Variants in TRPM2 observed in about 807,000 individuals in gnomAD.
The protein encoded by TRPM2 is transient receptor potential cation channel subfamily M member 2.
In TRPM2, 161 loss-of-function variants were observed where a neutral mutation model predicts 174.0. That is an observed-to-expected ratio of 0.93 (90% CI 0.81 to 1.05). The LOEUF is 1.05. Ranked by LOEUF, TRPM2 falls within the 50% of genes least tolerant of loss-of-function variation. The probability of loss-of-function intolerance (pLI) is 0.00; values close to 1 mark genes in which losing one functional copy is unlikely to be tolerated. For missense variants in TRPM2, 2,057 were observed against 2,038.0 expected (o/e 1.01, Z -0.18); for synonymous variants, 954 against 861.3 (o/e 1.11, Z -1.88).
intron 27 of TRPM2, among the ~76,000 whole-genome samples, chr21:44,428,563 GCTCCTCC>G (rs1393357018): frequency 1.5e-4 from 22 of 144,410 alleles, no homozygotes; most frequent in African/African-American, 5.3e-4. Context: ...CTTAGGTGTG[GCTCCTCC>G]CTGAGGTGTG....
In TRPM2 at chr21:44,422,507, C is replaced by T; in HGVS notation, c.3462-1138C>T. On this transcript the variant is annotated intron_variant, in intron 22 of 31. Transcript: ENST00000397928. ...GGCCTGGAGCGAAATCACTTTCTTCCCTCTCCCTAGATAACTGTTTAAAGT... is the reference window on the plus strand; with the variant it reads ...GGCCTGGAGCGAAATCACTTTCTTCTCTCTCCCTAGATAACTGTTTAAAGT... The T allele has an allele frequency of 2.7e-6, 4 of 1,470,608 alleles. No individual in the cohort carries two copies. In the South Asian group the frequency reaches 5.2e-5, roughly 19 times the overall value. 91.1% of individuals were successfully genotyped at this position (1,470,608 alleles called of 1,614,324 possible).
chr21:44,425,807 A>G lies in TRPM2; in HGVS notation c.3775A>G (p.Asn1259Asp). 1.9e-6 allele frequency: 3 copies of G among 1,578,056 alleles called. No homozygotes were observed. The highest frequency in any genetic ancestry group is 2.6e-6 in the Non-Finnish European group (3 of 1,153,908). ...CCCTGTCACGCGCTTCCCCGTGCCC[A>G]ACGAGAAGGTGCCCTGGGAGGTGAG... ...NCPVTRFPVPNEKVPWETEFL... is the reference protein window; with the variant it reads ...NCPVTRFPVPDEKVPWETEFL... Residue 1259 changes from asparagine (N) to aspartate (D), a missense_variant, in exon 25 of 32, where the codon AAC (asparagine) becomes GAC (aspartate). Coordinates refer to ENST00000397928, the MANE Select transcript of TRPM2 (RefSeq NM_003307.4).
chr21:44,360,729 G>C (rs372394559), intron 2 of TRPM2, among the ~76,000 whole-genome samples: 196 of 152,094 alleles, frequency 1.3e-3, no homozygotes, highest in South Asian at 1.7e-3. Flanking sequence ...ACCACGCCCA[G>C]CTAATGTTTA....
At position 44,432,643 on chromosome 21, in the gene TRPM2, A is replaced by G; in HGVS notation, c.3975-2488A>G. ...TCTTGCATTGCTCCTGCCAACATAAACTAAACAAGCCCCTGCCCGCAAGTC... is the reference window on the plus strand; with the variant it reads ...TCTTGCATTGCTCCTGCCAACATAAGCTAAACAAGCCCCTGCCCGCAAGTC... On this transcript the variant is annotated intron_variant, in intron 27 of 31. Transcript: ENST00000397928. The surrounding 1 kb of genome is among the most constrained non-coding windows in gnomAD (Gnocchi z 4.9). 6.6e-6 allele frequency among the ~76,000 whole-genome samples: 1 copy of G among 151,884 alleles called. No homozygotes were observed. The highest frequency in any genetic ancestry group is 1.9e-4 in the East Asian group (1 of 5,178).
At chr21:44,389,875 T>TC (rs1204323841) in intron 9 of TRPM2, among the ~76,000 whole-genome samples, 1 of 100,970 alleles carries the variant, frequency 9.9e-6, no homozygotes, top group Non-Finnish European at 2.3e-5. Flanking sequence ...GGCTTAAAAT[T>TC]TTTTTTTTTT....
At position 44,362,127 on chromosome 21, in the gene TRPM2, G is replaced by A. The variant is rs542461192; in HGVS notation, c.255-1987G>A. 9.2e-5 allele frequency among the ~76,000 whole-genome samples: 14 copies of A among 152,266 alleles called. No individual in the cohort carries two copies. The East Asian group carries it at 2.7e-3, about 29-fold the overall frequency. Reference sequence around the variant, plus strand: ...ATGTTGACATTTTACCAGTTTGAGTGAAATATAGAAACATTATCTCCTTTT... The same window carrying A: ...ATGTTGACATTTTACCAGTTTGAGTAAAATATAGAAACATTATCTCCTTTT... On this transcript the variant is annotated intron_variant, in intron 2 of 31. Coordinates refer to ENST00000397928, the MANE Select transcript of TRPM2 (RefSeq NM_003307.4).
chr21:44,426,481 C>T (rs2050783037), intron 25 of TRPM2, among the ~76,000 whole-genome samples, 179 bp from the exon 26 acceptor site: 1 of 151,992 alleles, frequency 6.6e-6, no homozygotes, highest in African/African-American at 2.4e-5. Context: ...AGCCCCCGGC[C>T]CTGCCCAGCC....
In TRPM2 at chr21:44,354,717, T is replaced by C. The variant is rs2048007100; in HGVS notation, c.235T>C (p.Ser79Pro). ...KKECVYFVES[S>P]KLSDAGKVVC... ...AGAATGCGTGTATTTTGTGGAAAGT[T>C]CCAAACTGTCTGATGCTGGGTAAGT... The change falls in exon 2 of 32, where the codon TCC (serine) becomes CCC (proline). Residue 79 changes from serine to proline, a missense_variant. Physicochemically the swap from Ser to Pro is moderately conservative, Grantham distance 74. Coordinates refer to ENST00000397928, the MANE Select transcript of TRPM2 (RefSeq NM_003307.4). This position sits in a 1 kb window ranked among gnomAD's most constrained non-coding sequence, Gnocchi z 4.3. 3 of 1,614,194 alleles carry C rather than the reference T, an allele frequency of 1.9e-6. No individual in the cohort carries two copies. The highest frequency in any genetic ancestry group is 2.5e-6 in the Non-Finnish European group (3 of 1,180,030).
In TRPM2 at chr21:44,366,242, CAGAGGGGATAGGGCAGAGGGGACAGG is replaced by C. The variant is rs1464029859; in HGVS notation, c.424-503_424-478del. 9.9e-4 allele frequency among the ~76,000 whole-genome samples: 141 copies of C among 142,390 alleles called. 1 individual carries two copies. The highest frequency in any genetic ancestry group is 3.7e-3 in the African/African-American group (137 of 36,884). 93.4% of individuals were successfully genotyped at this position (142,390 alleles called of 152,430 possible). A position where few individuals can be genotyped will look rare whatever the true frequency, so the allele number is the denominator to read the frequency against. ...GGGCCAGGGCACAGGGGCCACAGAG[CAGAGGGGATAGGGCAGAGGGGACAGG>C]AGAGGGGACAGGAGAGGGGACAGGA... On this transcript the variant is annotated intron_variant, in intron 3 of 31. Coordinates refer to ENST00000397928, the MANE Select transcript of TRPM2 (RefSeq NM_003307.4). The surrounding 1 kb of genome is among the most constrained non-coding windows in gnomAD (Gnocchi z 6.0).
chr21:44,421,749 A>C (rs894477583), intron 22 of TRPM2, among the ~76,000 whole-genome samples: 5 of 152,110 alleles, frequency 3.3e-5, no homozygotes, highest in African/African-American at 1.2e-4. Context: ...CATCTCTACA[A>C]AAAATAAAAA....
chr21:44,433,445 A>C (rs756403995), intron 27 of TRPM2, among the ~76,000 whole-genome samples: 1 of 152,230 alleles, frequency 6.6e-6, no homozygotes, highest in Non-Finnish European at 1.5e-5. Context: ...CCAGTGCCGA[A>C]TTTGTCCGTG....
At chr21:44,418,317 C>T in intron 21 of TRPM2, 106 bp from the exon 22 acceptor site, 1 of 1,480,330 alleles carries the variant, frequency 6.8e-7, no homozygotes. Flanking sequence ...CTCTTCCTGC[C>T]ACTCAGGACT....
In TRPM2 at chr21:44,406,628, C is replaced by A. The variant is rs1375608418; in HGVS notation, c.2825C>A (p.Ala942Asp). 1.2e-6 allele frequency: 2 copies of A among 1,610,880 alleles called. No homozygotes were observed. The highest frequency in any genetic ancestry group is 2.2e-5 in the South Asian group (2 of 91,012). The part of the protein sequence containing the change: ...KDVFFFLFLL[A>D]VWVVSFGVAK... ...GTCTTCTTCTTCCTCTTCCTGCTGG[C>A]TGTGTGGGTGGTGTCCTTCGGGGTG... The change falls in exon 19 of 32, where the codon GCT (alanine) becomes GAT (aspartate). Residue 942 changes from alanine (A) to aspartate (D), a missense_variant. Transcript: ENST00000397928.
At chr21:44,407,753 T>G (rs1057078153) in intron 19 of TRPM2, among the ~76,000 whole-genome samples, 1 of 151,922 alleles carries the variant, frequency 6.6e-6, no homozygotes, top group Non-Finnish European at 1.5e-5. Flanking sequence ...TTTGTCACCG[T>G]GTATCAGTAT....
At chr21:44,359,836 C>G (rs1027462229) in intron 2 of TRPM2, among the ~76,000 whole-genome samples, 4 of 151,866 alleles carry the variant, frequency 2.6e-5, no homozygotes, top group Admixed American at 2.6e-4. Flanking sequence ...CAACCTCCAC[C>G]TCCCGGGCTC....
Position 44,399,436 on chromosome 21 carries a change from A to G in TRPM2, c.2203A>G (p.Ile735Val). 1 of 1,610,986 alleles carries G rather than the reference A, an allele frequency of 6.2e-7. No individual in the cohort carries two copies. Among genetic ancestry groups the G allele is most frequent in the Non-Finnish European group, 8.5e-7 (1 of 1,178,868 alleles). Reference protein sequence around the residue: ...KDMKFVSHGGIQAFLTKVWWG... With the variant: ...KDMKFVSHGGVQAFLTKVWWG... The stretch of plus-strand genomic sequence containing the variant: ...CATGAAGTTTGTGTCTCACGGGGGC[A>G]TCCAGGTGACCTCCCAAGAGCCCCT... Residue 735 changes from isoleucine (I) to valine (V), a missense_variant, in exon 14 of 32, where the codon ATC becomes GTC. Coordinates refer to ENST00000397928, the MANE Select transcript of TRPM2 (RefSeq NM_003307.4). The surrounding 1 kb of genome is among the most constrained non-coding windows in gnomAD (Gnocchi z 4.6).
intron 22 of TRPM2, among the ~76,000 whole-genome samples, chr21:44,421,925 A>G (rs565601807): frequency 6.6e-6 from 1 of 152,190 alleles, no homozygotes; most frequent in African/African-American, 2.4e-5. Context: ...TCTAATGCAT[A>G]TTTGTATGTG....
chr21:44,364,311 T>C, intron 3 of TRPM2, 29 bp downstream of exon 3: 1 of 1,610,516 alleles, frequency 6.2e-7, no homozygotes, highest in Non-Finnish European at 8.5e-7. Flanking sequence ...CGCTCTGAAC[T>C]GTAGGTGGAG....
chr21:44,379,550 G>A (rs1482407994), intron 8 of TRPM2, among the ~76,000 whole-genome samples: 1 of 152,282 alleles, frequency 6.6e-6, no homozygotes, highest in African/African-American at 2.4e-5. Context: ...CAGGGCAGCT[G>A]CTGAGCAATG....
Sources: allele counts gnomAD v4.1 joint callset (sites outside exome capture counted in the v4.1 genomes callset), GRCh38; gene constraint gnomAD v4.1.1; non-coding constraint Gnocchi (gnomAD v3.1); transcripts MANE v1.5; gene names NCBI Gene and HGNC (gene_info 2026-07-23, HGNC 2026-07-21).